CFAP299: variants seen among roughly 807,000 people sequenced by gnomAD.
The protein encoded by CFAP299 is cilia- and flagella-associated protein 299.
In CFAP299, 21 loss-of-function variants were observed where a neutral mutation model predicts 27.0. The observed-to-expected ratio is 0.78, with a 90% CI of 0.55 to 1.12. CFAP299 has a LOEUF of 1.12. Ranked by LOEUF, CFAP299 falls within the 50% of genes most tolerant of loss-of-function variation. The pLI is 0.00. For synonymous variants in CFAP299, 104 were observed against 98.1 expected (o/e 1.06, Z -0.36); for missense variants, 310 against 276.6 (o/e 1.12, Z -0.86).
intron 3 of CFAP299, among the ~76,000 whole-genome samples, chr4:80,815,883 G>T (rs1315458256): frequency 1.3e-5 from 2 of 151,940 alleles, no homozygotes; most frequent in African/African-American, 2.4e-5. Flanking sequence ...GATAGGAATT[G>T]AACTAGGGTT....
intron 3 of CFAP299, among the ~76,000 whole-genome samples, chr4:80,584,304 T>C (rs1736322446): frequency 1.3e-5 from 2 of 152,050 alleles, no homozygotes; most frequent in African/African-American, 4.8e-5. Context: ...TAGGACATAA[T>C]TTAATCTCCA....
intron 1 of CFAP299, among the ~76,000 whole-genome samples, chr4:80,346,982 C>T (rs144176059): frequency 0.05 from 7,634 of 152,188 alleles, 656 homozygotes; most frequent in African/African-American, 0.18. Context: ...TTGAAGAGAT[C>T]CTTCACATCC....
chr4:80,642,172 A>G (rs1739760536), intron 3 of CFAP299, among the ~76,000 whole-genome samples: 1 of 152,320 alleles, frequency 6.6e-6, no homozygotes, highest in South Asian at 2.1e-4. Context: ...AGGGAGATTA[A>G]TCTGTTAACT....
chr4:80,457,407 C>T (rs989147139), intron 2 of CFAP299, among the ~76,000 whole-genome samples: 1 of 152,084 alleles, frequency 6.6e-6, no homozygotes, highest in African/African-American at 2.4e-5. Flanking sequence ...AGGCCATGTG[C>T]CACAGATTCT....
At chr4:80,807,348 G>A (rs752269647) in intron 3 of CFAP299, among the ~76,000 whole-genome samples, 9 of 151,870 alleles carry the variant, frequency 5.9e-5, no homozygotes, top group East Asian at 1.9e-4. Flanking sequence ...TCACAACGTC[G>A]GAATACATTG....
chr4:80,797,335 A>G (rs890139967), intron 3 of CFAP299, among the ~76,000 whole-genome samples: 13 of 152,130 alleles, frequency 8.5e-5, no homozygotes, highest in African/African-American at 3.1e-4. Flanking sequence ...CTGAGGGGCC[A>G]TGATTCTATT....
chr4:80,620,765 G>T (rs1253317846), intron 3 of CFAP299, among the ~76,000 whole-genome samples: 1 of 152,082 alleles, frequency 6.6e-6, no homozygotes, highest in East Asian at 1.9e-4. Context: ...ACTGGCTTTT[G>T]AGTAAAGCAG....
chr4:80,635,046 T>C (rs1474908783), intron 3 of CFAP299, among the ~76,000 whole-genome samples: 1 of 152,170 alleles, frequency 6.6e-6, no homozygotes, highest in Non-Finnish European at 1.5e-5. Flanking sequence ...ATATGATTAC[T>C]TATCAAATAA....
At chr4:80,499,236 C>T (rs1276431036) in intron 2 of CFAP299, among the ~76,000 whole-genome samples, 1 of 151,954 alleles carries the variant, frequency 6.6e-6, no homozygotes, top group Non-Finnish European at 1.5e-5. Flanking sequence ...CCTCTGAATC[C>T]AAAATCAAAG....
chr4:80,880,045 T>A (rs1318738851), intron 4 of CFAP299, among the ~76,000 whole-genome samples: 4 of 151,768 alleles, frequency 2.6e-5, no homozygotes, highest in Admixed American at 6.6e-5. Context: ...TTGACTGTGA[T>A]GCACTGTCAA....
intron 3 of CFAP299, among the ~76,000 whole-genome samples, chr4:80,867,682 G>T (rs1049216663): frequency 1.3e-5 from 2 of 152,136 alleles, no homozygotes; most frequent in Non-Finnish European, 2.9e-5. Flanking sequence ...CTGCACCCTG[G>T]CATCTCTCTG....
At chr4:80,363,645 G>A (rs1723664834) in intron 2 of CFAP299, among the ~76,000 whole-genome samples, 1 of 152,088 alleles carries the variant, frequency 6.6e-6, no homozygotes, top group Admixed American at 6.5e-5. Flanking sequence ...ATGTGCTTTG[G>A]TCTTGGGAAT....
chr4:80,843,058 T>C (rs1730950807), intron 3 of CFAP299, among the ~76,000 whole-genome samples: 1 of 151,262 alleles, frequency 6.6e-6, no homozygotes. Context: ...CTCAACAATC[T>C]CTTCTTTTTT....
chr4:80,654,186 AT>A (rs753418376), intron 3 of CFAP299, among the ~76,000 whole-genome samples: 4 of 152,150 alleles, frequency 2.6e-5, no homozygotes, highest in Non-Finnish European at 5.9e-5. Context: ...ACATTATTGA[AT>A]TCATGTTTTA....
At chr4:80,444,686 A>G (rs1007709616) in intron 2 of CFAP299, among the ~76,000 whole-genome samples, 3 of 152,202 alleles carry the variant, frequency 2.0e-5, no homozygotes, top group African/African-American at 7.2e-5. Context: ...AATGGGATCT[A>G]ATTAAACTAA....
At chr4:80,907,508 G>A (rs1314777774) in intron 4 of CFAP299, among the ~76,000 whole-genome samples, 1 of 152,156 alleles carries the variant, frequency 6.6e-6, no homozygotes, top group Non-Finnish European at 1.5e-5. Flanking sequence ...ATAAAGGATA[G>A]GGTTTTAGTT....
At chr4:80,658,915 A>C (rs1740692947) in intron 3 of CFAP299, among the ~76,000 whole-genome samples, 1 of 152,184 alleles carries the variant, frequency 6.6e-6, no homozygotes, top group South Asian at 2.1e-4. Flanking sequence ...TAATAGTAGC[A>C]GCTGTCTATT....
At position 80,901,377 on chromosome 4, in the gene CFAP299, G is replaced by A. The variant is rs569926253; in HGVS notation, c.476+31242G>A. Among the ~76,000 whole-genome samples the A allele has an allele frequency of 5.9e-5, 9 of 152,282 alleles. No individual in the cohort carries two copies. The East Asian group carries it at 1.7e-3, about 29-fold the overall frequency. On this transcript the variant is annotated intron_variant, in intron 4 of 5. Transcript: ENST00000358105. ...CTGCTAGAGACATCTTCTTTGGGCA[G>A]ATCATCCAAGAAGCAGTGTAGTTAT...
chr4:80,793,781 C>A (rs184176581), intron 3 of CFAP299, among the ~76,000 whole-genome samples: 23 of 152,248 alleles, frequency 1.5e-4, no homozygotes, highest in Middle Eastern at 3.4e-3. Context: ...TGTATACATG[C>A]ACAAACATGT....
Sources: allele counts gnomAD v4.1 joint callset (sites outside exome capture counted in the v4.1 genomes callset), GRCh38; gene constraint gnomAD v4.1.1; transcripts MANE v1.5; gene names NCBI Gene and HGNC (gene_info 2026-07-23, HGNC 2026-07-21).